RBM22: variants seen among roughly 807,000 people sequenced by gnomAD.
The protein encoded by RBM22 is RNA binding motif protein 22.
Under a neutral mutation model 50.1 loss-of-function variants are expected in RBM22, and 1 was observed. The ratio of observed to expected loss-of-function variants is 0.02; its 90% CI spans 0.01 to 0.09. The LOEUF (loss-of-function observed/expected upper bound fraction) is 0.09. Ranked by LOEUF, RBM22 falls within the 10% of genes least tolerant of loss-of-function variation. The pLI is 1.00. For synonymous variants in RBM22, 152 were observed against 179.0 expected (o/e 0.85, Z 1.20); for missense variants, 264 against 529.3 (o/e 0.50, Z 4.92).
At chr5:150,700,901 CCTT>C (rs778473822) in intron 1 of RBM22, 28 bp downstream of exon 1, 2 of 1,614,114 alleles carry the variant, frequency 1.2e-6, no homozygotes, top group Non-Finnish European at 1.7e-6. Context: ...TTCGCCTCCT[CCTT>C]CCATCCTCCT....
intron 10 of RBM22, 119 bp downstream of exon 10, chr5:150,692,776 C>G (rs931076199): frequency 3.4e-6 from 4 of 1,161,846 alleles, no homozygotes; most frequent in African/African-American, 1.6e-5. Context: ...ATCAACTTTA[C>G]TGGTAGACTT....
Position 150,694,403 on chromosome 5 carries a change from T to C in RBM22, c.747-163A>G, listed in dbSNP as rs539539249. 4 of 1,107,392 alleles carry C rather than the reference T, an allele frequency of 3.6e-6. No individual in the cohort carries two copies. In the East Asian group the frequency reaches 8.8e-5, roughly 24 times the overall value. The allele number at this position is 1,107,392 out of a possible 1,614,324, so 68.6% of individuals were successfully genotyped here. On this transcript the variant is annotated intron_variant, in intron 7 of 10. Transcript: ENST00000199814. ...CTCCACCCCATATCTTGTCCTACTG[T>C]GGGTGCTGCTGATTGAGAGAAGGAA...
Position 150,700,447 on chromosome 5 carries a change from T to C in RBM22, c.105A>G (p.Arg35=). ...QTCLGENPYI[R]MTKEKYGKEC... ...CGTTTCACACGCGATCACTCACCATTCGGATATATGGGTTTTCTCCAAGAC... is the reference window on the plus strand; with the variant it reads ...CGTTTCACACGCGATCACTCACCATCCGGATATATGGGTTTTCTCCAAGAC... Residue 35 remains arginine (R), a synonymous_variant, in exon 2 of 11, where the codon CGA becomes CGG. Transcript: ENST00000199814. 6.2e-7 allele frequency: 1 copy of C among 1,611,882 alleles called. No homozygotes were observed. The highest frequency in any genetic ancestry group is 8.5e-7 in the Non-Finnish European group (1 of 1,178,018).
Position 150,699,254 on chromosome 5 carries a change from C to T in RBM22, c.126G>A (p.Gly42=). 1.3e-6 allele frequency: 2 copies of T among 1,587,732 alleles called. No homozygotes were observed. Among genetic ancestry groups the T allele is most frequent in the East Asian group, 2.3e-5 (1 of 44,344 alleles). The part of the protein sequence containing the change: ...PYIRMTKEKY[G]KECKICARPF... Reference sequence around the variant, plus strand: ...CAGACATACTTACTTTGCATTCCTTCCCATACTTTTCTTTGGTCTATAATA... The same window carrying T: ...CAGACATACTTACTTTGCATTCCTTTCCATACTTTTCTTTGGTCTATAATA... Residue 42 remains glycine (G), a synonymous_variant, in exon 3 of 11, where the codon GGG becomes GGA. Transcript: ENST00000199814.
At chr5:150,695,839 CTACCAAAATATAAT>C in intron 6 of RBM22, 133 bp from the exon 7 acceptor site, 1 of 709,714 alleles carries the variant, frequency 1.4e-6, no homozygotes, top group Non-Finnish European at 2.3e-6. Flanking sequence ...ACTATGGTTT[CTACCAAAATATAAT>C]TACCAAAATA....
At chr5:150,695,408 T>A in intron 7 of RBM22, 98 bp downstream of exon 7, 3 of 1,070,956 alleles carry the variant, frequency 2.8e-6, no homozygotes, top group Non-Finnish European at 4.1e-6. Flanking sequence ...TACAGAAAAA[T>A]GTATTTTGTA....
chr5:150,692,570 C>T (rs1160889930), intron 10 of RBM22, among the ~76,000 whole-genome samples: 1 of 152,084 alleles, frequency 6.6e-6, no homozygotes, highest in Non-Finnish European at 1.5e-5. Context: ...ATGACACCCG[C>T]TCACAGCCCA....
chr5:150,695,772 G>C lies in RBM22; in HGVS notation c.546-66C>G. On this transcript the variant is annotated intron_variant, in intron 6 of 10. Transcript: ENST00000199814. ...AGGTGAAAAAATGATTATCTTCCAA[G>C]AGTAGCTACATATTAAAGTCCTAGA... is the stretch of plus-strand genomic sequence containing the variant. The C allele has an allele frequency of 3.7e-6, 5 of 1,345,138 alleles. No individual in the cohort carries two copies. In the South Asian group the frequency reaches 5.0e-5, roughly 13 times the overall value. The allele number at this position is 1,345,138 out of a possible 1,614,324, so 83.3% of individuals were successfully genotyped here.
At chr5:150,699,681 C>T (rs1006406379) in intron 2 of RBM22, among the ~76,000 whole-genome samples, 1 of 152,146 alleles carries the variant, frequency 6.6e-6, no homozygotes, top group African/African-American at 2.4e-5. Context: ...TTTCCACAGC[C>T]ACAACTCTTA....
At chr5:150,700,576 G>T (rs576985604) in intron 1 of RBM22, 79 bp from the exon 2 acceptor site, 5 of 1,602,910 alleles carry the variant, frequency 3.1e-6, no homozygotes, top group Non-Finnish European at 4.3e-6. Context: ...GTGGCGAGGG[G>T]GCGGGAAGCG....
At chr5:150,693,127 C>T (rs572132382) in intron 9 of RBM22, 92 bp downstream of exon 9, 38 of 1,543,286 alleles carry the variant, frequency 2.5e-5, no homozygotes, top group African/African-American at 1.5e-4. Context: ...GAGAGTAGAG[C>T]GGCAACATGA....
chr5:150,693,861 T>C (rs1759240476), intron 8 of RBM22, among the ~76,000 whole-genome samples: 1 of 151,908 alleles, frequency 6.6e-6, no homozygotes, highest in African/African-American at 2.4e-5. Flanking sequence ...TTCAAAGGAG[T>C]AGATTATACA....
intron 2 of RBM22, 136 bp from the exon 3 acceptor site, chr5:150,699,407 CA>C: frequency 8.6e-7 from 1 of 1,156,500 alleles, no homozygotes; most frequent in Admixed American, 3.4e-5. Flanking sequence ...ACAGCAACAA[CA>C]AAACCCAAAA....
At chr5:150,699,484 C>G (rs559104675) in intron 2 of RBM22, among the ~76,000 whole-genome samples, 15 of 152,284 alleles carry the variant, frequency 9.9e-5, no homozygotes, top group African/African-American at 3.1e-4. Flanking sequence ...GATAACATCT[C>G]AAGAGTATAT....
chr5:150,699,024 C>T (rs1020800433), intron 3 of RBM22, among the ~76,000 whole-genome samples: 3 of 152,120 alleles, frequency 2.0e-5, no homozygotes, highest in African/African-American at 7.2e-5. Context: ...TCCTCCAGTG[C>T]CCATCCACTG....
At chr5:150,698,441 T>C in intron 4 of RBM22, 58 bp downstream of exon 4, 1 of 1,579,098 alleles carries the variant, frequency 6.3e-7, no homozygotes, top group South Asian at 1.1e-5. Flanking sequence ...GACAAAAGAC[T>C]GACTTGTAGT....
At chr5:150,697,126 GAA>G (rs1390736770) in intron 4 of RBM22, among the ~76,000 whole-genome samples, 13 of 152,246 alleles carry the variant, frequency 8.5e-5, no homozygotes, top group African/African-American at 3.1e-4. Flanking sequence ...TAATGCTTTA[GAA>G]AAAATCTTTT....
chr5:150,691,690 A>G lies in RBM22; in HGVS notation c.*61T>C. The G allele has an allele frequency of 7.0e-7, 1 of 1,418,952 alleles. No individual in the cohort carries two copies. The highest frequency in any genetic ancestry group is 9.3e-7 in the Non-Finnish European group (1 of 1,072,328). The allele number at this position is 1,418,952 out of a possible 1,614,324, so 87.9% of individuals were successfully genotyped here. ...GGGAAGGAAAAATATATTTATTCCA[A>G]GATTTACTGGGAGTTTTAAGTGCCC... On this transcript the variant is annotated 3_prime_UTR_variant, in exon 11 of 11. Coordinates refer to ENST00000199814, the MANE Select transcript of RBM22 (RefSeq NM_018047.3).
intron 4 of RBM22, chr5:150,697,798 T>TA (rs35855846): frequency 3.0e-3 from 834 of 278,376 alleles, no homozygotes; most frequent in South Asian, 6.0e-3. Context: ...CACCTATGGT[T>TA]AAAAAAAAAA....
Sources: allele counts gnomAD v4.1 joint callset (sites outside exome capture counted in the v4.1 genomes callset), GRCh38; gene constraint gnomAD v4.1.1; transcripts MANE v1.5; gene names NCBI Gene and HGNC (gene_info 2026-07-23, HGNC 2026-07-21).